TMEM108: variants seen among roughly 807,000 people sequenced by gnomAD.
TMEM108 encodes the protein cancer/testis antigen 124.
A neutral mutation model predicts 35.1 loss-of-function variants in TMEM108; 12 were observed. The ratio of observed to expected loss-of-function variants is 0.34; its 90% confidence interval spans 0.22 to 0.55. The LOEUF is 0.55. Among genes scored for constraint, TMEM108 ranks in the 20% least tolerant of loss-of-function variants. TMEM108 has a pLI of 0.89. For synonymous variants in TMEM108, 287 were observed against 308.6 expected (o/e 0.93, Z 0.73); for missense variants, 680 against 753.3 (o/e 0.90, Z 1.14).
intron 3 of TMEM108, chr3:133,253,602 G>A (rs999658095): frequency 6.6e-6 from 1 of 152,176 alleles, no homozygotes. Flanking sequence ...AGTTGTTACT[G>A]CTTACTAAAT....
At chr3:133,191,722 G>A (rs1002158590) in intron 2 of TMEM108, among the ~76,000 whole-genome samples, 8 of 152,256 alleles carry the variant, frequency 5.3e-5, no homozygotes, top group East Asian at 1.9e-4. Flanking sequence ...ACTGCCCAGT[G>A]GAAAGCTACT....
chr3:133,380,414 C>T lies in TMEM108; in HGVS notation c.703C>T (p.Leu235Phe). 1 of 1,613,694 alleles carries T rather than the reference C, an allele frequency of 6.2e-7. No homozygotes were observed. The highest frequency in any genetic ancestry group is 8.5e-7 in the Non-Finnish European group (1 of 1,179,764). Residue 235 changes from leucine to phenylalanine, a missense_variant, in exon 4 of 6, where the codon CTC becomes TTC. Physicochemically the swap from Leu to Phe is conservative, Grantham distance 22. Transcript: ENST00000321871. The surrounding 1 kb of genome is among the most constrained non-coding windows in gnomAD (Gnocchi z 5.3). ...GTCTGTGGAACCGGAGCCCTCTACC[C>T]TCACCCCCAGGACCCCACTCTGGGG... The part of the protein sequence containing the change: ...TGSVEPEPST[L>F]TPRTPLWGYS...
chr3:133,373,437 GATAGATAC>G (rs1237808253), intron 3 of TMEM108, among the ~76,000 whole-genome samples: 10 of 136,594 alleles, frequency 7.3e-5, no homozygotes, highest in African/African-American at 2.5e-4. Context: ...TAGATAGATA[GATAGATAC>G]AGTATGAGTT....
chr3:133,065,031 T>C (rs1462283782), intron 2 of TMEM108, among the ~76,000 whole-genome samples: 1 of 152,188 alleles, frequency 6.6e-6, no homozygotes, highest in Middle Eastern at 3.2e-3. Flanking sequence ...CTGTAAACTT[T>C]TACAAGGCAC....
At chr3:133,100,275 T>A (rs140931468) in intron 2 of TMEM108, among the ~76,000 whole-genome samples, 55 of 152,248 alleles carry the variant, frequency 3.6e-4, no homozygotes, top group African/African-American at 1.0e-3. Context: ...ACATGGGAAT[T>A]CTGGAGATAC....
At chr3:133,043,500 G>A (rs557903148) in intron 1 of TMEM108, among the ~76,000 whole-genome samples, 45 of 152,220 alleles carry the variant, frequency 3.0e-4, no homozygotes, top group African/African-American at 9.9e-4. Context: ...ATGTATATGC[G>A]AGTATTGATT....
At chr3:133,089,706 G>A (rs1489750960) in intron 2 of TMEM108, among the ~76,000 whole-genome samples, 1 of 152,204 alleles carries the variant, frequency 6.6e-6, no homozygotes, top group Non-Finnish European at 1.5e-5. Flanking sequence ...GCATGGTTCA[G>A]AGGTGCAAGC....
chr3:133,180,582 C>T (rs543898559), intron 2 of TMEM108, among the ~76,000 whole-genome samples: 17 of 152,068 alleles, frequency 1.1e-4, no homozygotes, highest in South Asian at 2.1e-4. Flanking sequence ...AAACCTTTCC[C>T]CAAACTAATT....
intron 3 of TMEM108, among the ~76,000 whole-genome samples, chr3:133,233,147 G>A (rs1464149899): frequency 1.3e-5 from 2 of 151,304 alleles, no homozygotes; most frequent in Non-Finnish European, 2.9e-5. Flanking sequence ...CCATTAACTC[G>A]TCATTTAGCA....
At chr3:133,202,719 G>A (rs1045906903) in intron 2 of TMEM108, among the ~76,000 whole-genome samples, 2 of 152,144 alleles carry the variant, frequency 1.3e-5, no homozygotes, top group African/African-American at 4.8e-5. Context: ...TTTGAAGTCA[G>A]GTAGCATGAT....
chr3:133,077,121 G>C (rs1342538557), intron 2 of TMEM108, among the ~76,000 whole-genome samples: 1 of 152,232 alleles, frequency 6.6e-6, no homozygotes, highest in Non-Finnish European at 1.5e-5. Flanking sequence ...GGCTGAGCCA[G>C]TCAAAGACTC....
intron 2 of TMEM108, among the ~76,000 whole-genome samples, chr3:133,088,576 A>G (rs1943910941): frequency 1.3e-5 from 2 of 152,162 alleles, no homozygotes; most frequent in South Asian, 4.1e-4. Context: ...ATTTTTATAG[A>G]TCTGTGCTAG....
At chr3:133,091,928 C>T (rs1943951648) in intron 2 of TMEM108, among the ~76,000 whole-genome samples, 1 of 152,168 alleles carries the variant, frequency 6.6e-6, no homozygotes, top group Non-Finnish European at 1.5e-5. Flanking sequence ...TTTTGAGCCT[C>T]TCAGAGAAAA....
chr3:133,137,036 G>T (rs1429946039), intron 2 of TMEM108, among the ~76,000 whole-genome samples: 1 of 152,178 alleles, frequency 6.6e-6, no homozygotes, highest in Non-Finnish European at 1.5e-5. Context: ...AGTTGTTGTT[G>T]TTGTTAGAAA....
At chr3:133,072,759 A>G (rs1165853856) in intron 2 of TMEM108, among the ~76,000 whole-genome samples, 4 of 152,274 alleles carry the variant, frequency 2.6e-5, no homozygotes, top group South Asian at 2.1e-4. Flanking sequence ...ACTATATTTC[A>G]GAACATTTTT....
At chr3:133,232,638 G>T (rs1353687758) in intron 3 of TMEM108, among the ~76,000 whole-genome samples, 1 of 152,224 alleles carries the variant, frequency 6.6e-6, no homozygotes, top group African/African-American at 2.4e-5. Context: ...AGTCACTGAG[G>T]CTTGTATGTG....
intron 3 of TMEM108, among the ~76,000 whole-genome samples, chr3:133,230,015 T>A (rs10512891): frequency 0.21 from 31,798 of 152,164 alleles, 4,102 homozygotes; most frequent in African/African-American, 0.36. Context: ...ACTGAATGAA[T>A]GTAAAAGCCA....
intron 3 of TMEM108, among the ~76,000 whole-genome samples, chr3:133,240,814 C>T (rs1946302765): frequency 6.6e-6 from 1 of 152,142 alleles, no homozygotes; most frequent in African/African-American, 2.4e-5. Flanking sequence ...GGTATAAAAA[C>T]ATTTCATGTG....
intron 2 of TMEM108, among the ~76,000 whole-genome samples, chr3:133,067,871 C>T (rs1242600790): frequency 2.0e-5 from 3 of 151,506 alleles, no homozygotes; most frequent in African/African-American, 7.3e-5. Context: ...TCTCACAGTT[C>T]TAAAAACTAG....
Sources: gnomAD v4.1 joint callset for allele counts (sites outside exome capture counted in the v4.1 genomes callset) on GRCh38, gnomAD v4.1.1 for gene constraint, Gnocchi (gnomAD v3.1) non-coding constraint, MANE v1.5 for transcripts, NCBI Gene and HGNC (gene_info 2026-07-23, HGNC 2026-07-21) for gene names.